The following SEMA5B variants were observed in gnomAD, a reference collection of about 807,000 sequenced individuals.
The protein encoded by SEMA5B is semaphorin-5B.
SEMA5B carries 66 observed loss-of-function variants against 135.0 expected under a neutral mutation model. That is an observed-to-expected ratio of 0.49 (90% CI 0.40 to 0.60). SEMA5B has a LOEUF of 0.60. Among genes scored for constraint, SEMA5B ranks in the 20% least tolerant of loss-of-function variants. SEMA5B has a pLI of 0.00. For synonymous variants in SEMA5B, 690 were observed against 639.5 expected (o/e 1.08, Z -1.19); for missense variants, 1,501 against 1,566.3 (o/e 0.96, Z 0.70).
At chr3:122,947,616 T>C (rs1233171298) in intron 3 of SEMA5B, among the ~76,000 whole-genome samples, 1 of 152,214 alleles carries the variant, frequency 6.6e-6, no homozygotes, top group Admixed American at 6.5e-5. Flanking sequence ...GGACTGGCTC[T>C]GACAAGCCTC....
intron 1 of SEMA5B, among the ~76,000 whole-genome samples, chr3:122,981,979 G>C (rs1302198852): frequency 6.6e-6 from 1 of 152,236 alleles, no homozygotes; most frequent in East Asian, 1.9e-4. Flanking sequence ...TGAGCCTCAA[G>C]TCAGGGCTGG....
chr3:122,959,710 C>T (rs908725759), intron 2 of SEMA5B, among the ~76,000 whole-genome samples: 2 of 152,156 alleles, frequency 1.3e-5, no homozygotes, highest in African/African-American at 2.4e-5. Context: ...ATGCAGCCAT[C>T]GGGGAGAACC....
intron 16 of SEMA5B, 31 bp from the exon 17 acceptor site, chr3:122,913,455 C>T (rs767872275): frequency 8.5e-5 from 133 of 1,559,792 alleles, no homozygotes; most frequent in Non-Finnish European, 1.1e-4. Flanking sequence ...AGCTTTAGAA[C>T]CCCACGGCCT....
intron 9 of SEMA5B, among the ~76,000 whole-genome samples, chr3:122,925,965 G>A (rs1310892299): frequency 1.3e-5 from 2 of 152,168 alleles, no homozygotes; most frequent in Non-Finnish European, 2.9e-5. Context: ...GTCTAGATGG[G>A]AGGTGATGGC....
intron 1 of SEMA5B, among the ~76,000 whole-genome samples, chr3:123,000,949 C>T (rs73859404): frequency 9.8e-4 from 149 of 152,276 alleles, no homozygotes; most frequent in African/African-American, 3.4e-3. Context: ...AGTGGGAGCC[C>T]ACACTGAATC....
chr3:122,997,250 C>G (rs1309894363), intron 1 of SEMA5B, among the ~76,000 whole-genome samples: 19 of 152,178 alleles, frequency 1.2e-4, no homozygotes, highest in Admixed American at 1.2e-3. Flanking sequence ...AAGGCAGAGA[C>G]TCGAACACCT....
intron 1 of SEMA5B, among the ~76,000 whole-genome samples, chr3:123,014,088 A>G (rs1460673182): frequency 2.0e-5 from 3 of 152,186 alleles, no homozygotes; most frequent in Admixed American, 2.0e-4. Flanking sequence ...GGAACATGCA[A>G]ATGAGGCTCA....
At chr3:122,916,304 C>A (rs1007257390) in intron 12 of SEMA5B, among the ~76,000 whole-genome samples, 1 of 152,224 alleles carries the variant, frequency 6.6e-6, no homozygotes, top group African/African-American at 2.4e-5. Context: ...CTCCCTGGCA[C>A]ATGCTATGAT....
intron 1 of SEMA5B, among the ~76,000 whole-genome samples, chr3:122,979,495 A>G (rs1418521137): frequency 6.6e-6 from 1 of 152,156 alleles, no homozygotes; most frequent in African/African-American, 2.4e-5. Flanking sequence ...TTTGTGCTAC[A>G]GTTTCTTTTG....
chr3:123,023,351 C>T (rs910278957), intron 1 of SEMA5B, among the ~76,000 whole-genome samples: 8 of 151,878 alleles, frequency 5.3e-5, no homozygotes, highest in Non-Finnish European at 1.0e-4. Flanking sequence ...CACACACACA[C>T]ACACACGAAA....
intron 1 of SEMA5B, among the ~76,000 whole-genome samples, chr3:123,015,728 C>T (rs1942540221): frequency 6.6e-6 from 1 of 152,202 alleles, no homozygotes; most frequent in South Asian, 2.1e-4. Flanking sequence ...TCAAATGGGC[C>T]GTCTCATGGG....
At chr3:122,993,323 T>C (rs181609089) in intron 1 of SEMA5B, 2 of 152,438 alleles carry the variant, frequency 1.3e-5, no homozygotes, top group African/African-American at 4.8e-5. Flanking sequence ...AGTGCCAGAC[T>C]GTCCTCCCAG....
intron 1 of SEMA5B, among the ~76,000 whole-genome samples, chr3:122,993,945 C>A (rs919755511): frequency 1.3e-5 from 2 of 152,086 alleles, no homozygotes; most frequent in Admixed American, 1.3e-4. Context: ...CATTGGCCCC[C>A]CCACCTCAAG....
At chr3:122,926,366 A>C (rs1189742460) in intron 9 of SEMA5B, 26 bp downstream of exon 9, 1 of 1,593,672 alleles carries the variant, frequency 6.3e-7, no homozygotes, top group East Asian at 2.2e-5. Flanking sequence ...ATCACAGGCA[A>C]GGGGCTGGCA....
At chr3:123,000,099 T>C (rs564807094) in intron 1 of SEMA5B, among the ~76,000 whole-genome samples, 1 of 152,206 alleles carries the variant, frequency 6.6e-6, no homozygotes, top group East Asian at 1.9e-4. Context: ...TCCCAGCTAC[T>C]CAGGAGGTTG....
rs1937861082 is a variant in SEMA5B, at chr3:122,913,298, G to C, written c.2407C>G (p.Arg803Gly). The C allele has an allele frequency of 6.3e-7, 1 of 1,579,200 alleles. No homozygotes were observed. Among genetic ancestry groups the C allele is most frequent in the Non-Finnish European group, 8.5e-7 (1 of 1,171,426 alleles). Residue 803 changes from arginine (R) to glycine (G), a missense_variant, in exon 17 of 23, where the codon CGC (arginine) becomes GGC (glycine). Coordinates refer to ENST00000357599, the MANE Select transcript of SEMA5B (RefSeq NM_001031702.4). ...RQEQRFRFTC[R>G]APLADPHGLQ... ...CCGTGCGGGTCTGCAAGGGGCGCGC[G>C]GCAGGTGAAGCGGAACCGCTGCTCC...
At position 122,915,442 on chromosome 3, in the gene SEMA5B, G is replaced by A. The variant is rs1041120480; in HGVS notation, c.1986C>T (p.Ser662=). The A allele has an allele frequency of 6.2e-7, 1 of 1,609,158 alleles. No individual in the cohort carries two copies. Residue 662 remains serine (S), a splice_region_variant and synonymous_variant, in exon 14 of 23, where the codon TCC becomes TCT. Coordinates refer to ENST00000357599, the MANE Select transcript of SEMA5B (RefSeq NM_001031702.4). ...ATGTAAACCCTGTCCTCACATACCT[G>A]GAGCAGTTGGCGATGTGGATGGCTG... ...LGPAIHIANC[S]RNGAWTPWSS...
Position 122,915,624 on chromosome 3 carries a change from G to C in SEMA5B, c.1807-3C>G. The stretch of plus-strand genomic sequence containing the variant: ...CCATCCCGTGTCACATTCCGCACCT[G>C]AAGACACACATGGGAGACAGTACCC... On this transcript the variant is annotated splice_region_variant and splice_polypyrimidine_tract_variant and intron_variant, in intron 13 of 22. Transcript: ENST00000357599. The C allele has an allele frequency of 6.2e-7, 1 of 1,610,160 alleles. No individual in the cohort carries two copies. The highest frequency in any genetic ancestry group is 8.5e-7 in the Non-Finnish European group (1 of 1,177,252).
intron 1 of SEMA5B, among the ~76,000 whole-genome samples, chr3:122,966,560 A>ATTTTTTTTTTTTTTT (rs1307061116): frequency 7.3e-6 from 1 of 137,640 alleles, no homozygotes; most frequent in Admixed American, 7.0e-5. Context: ...TATTATTATT[A>ATTTTTTTTTTTTTTT]TTATTATTTT....
Sources: gnomAD v4.1 joint callset for allele counts (sites outside exome capture counted in the v4.1 genomes callset) on GRCh38, gnomAD v4.1.1 for gene constraint, MANE v1.5 for transcripts, NCBI Gene and HGNC (gene_info 2026-07-23, HGNC 2026-07-21) for gene names.